Variants in FHIT observed in about 807,000 individuals in gnomAD.
The protein encoded by FHIT is fragile histidine triad diadenosine triphosphatase, also known as bis(5'-adenosyl)-triphosphatase.
A neutral mutation model predicts 17.9 loss-of-function variants in FHIT; 19 were observed. That is an observed-to-expected ratio of 1.06 (90% CI 0.74 to 1.56). The LOEUF is 1.56. FHIT is among the 40% of genes most tolerant of loss of function. The pLI, the probability that FHIT is intolerant of heterozygous loss-of-function variation, is 0.00. For missense variants in FHIT, 248 were observed against 189.2 expected (o/e 1.31, Z -1.82); for synonymous variants, 81 against 69.7 (o/e 1.16, Z -0.81).
intron 2 of FHIT, among the ~76,000 whole-genome samples, chr3:61,145,412 T>C (rs1045745468): frequency 2.2e-4 from 33 of 152,156 alleles, no homozygotes; most frequent in African/African-American, 8.0e-4. Flanking sequence ...CAGCCTTAAT[T>C]GCTATAGCTT....
intron 7 of FHIT, among the ~76,000 whole-genome samples, chr3:59,988,139 G>T (rs958181930): frequency 1.3e-5 from 2 of 152,064 alleles, no homozygotes; most frequent in African/African-American, 4.8e-5. Context: ...GGAAGCAACA[G>T]AGAATGAGAA....
chr3:60,509,910 C>A (rs985447093), intron 5 of FHIT, among the ~76,000 whole-genome samples: 1 of 152,102 alleles, frequency 6.6e-6, no homozygotes, highest in African/African-American at 2.4e-5. Flanking sequence ...GGTAAAGAAA[C>A]CTTGCTACCG....
chr3:60,572,998 A>G (rs555734513), intron 4 of FHIT, among the ~76,000 whole-genome samples: 10 of 152,128 alleles, frequency 6.6e-5, no homozygotes, highest in Admixed American at 3.3e-4. Context: ...TCACTTGATA[A>G]AACTGAGGCC....
rs71092627 is a variant in FHIT at position 60,668,554 on chromosome 3, C to CTT, written c.-17-131577_-17-131576dup. ...CCAGGCCTAGGGAGGCCAGCTCATT[C>CTT]TTTTTTTTTTTTTTTTTTTTTTTTT... On this transcript the variant is annotated intron_variant, in intron 4 of 9. Coordinates refer to ENST00000492590, the MANE Select transcript of FHIT (RefSeq NM_002012.4). Among the ~76,000 whole-genome samples the CTT allele has an allele frequency of 1.7e-3, 92 of 54,830 alleles. 3 individuals are homozygous for CTT. Among genetic ancestry groups the CTT allele is most frequent in the African/African-American group, 6.1e-3 (84 of 13,762 alleles). 36.0% of individuals were successfully genotyped at this position (54,830 alleles called of 152,430 possible).
chr3:61,003,341 G>T (rs1480393216), intron 3 of FHIT, among the ~76,000 whole-genome samples: 5 of 152,166 alleles, frequency 3.3e-5, no homozygotes, highest in African/African-American at 1.2e-4. Flanking sequence ...TAATTTAAAA[G>T]ATAACTGAAT....
At chr3:60,196,195 T>A (rs1031399166) in intron 5 of FHIT, among the ~76,000 whole-genome samples, 2 of 152,174 alleles carry the variant, frequency 1.3e-5, no homozygotes. Context: ...CTGAAATGGC[T>A]GTCACTGGGG....
At chr3:60,312,656 T>C (rs1708999107) in intron 5 of FHIT, among the ~76,000 whole-genome samples, 1 of 152,162 alleles carries the variant, frequency 6.6e-6, no homozygotes. Context: ...AGATCTAAGC[T>C]GCTCCTGCCA....
At chr3:60,111,014 G>C (rs559531033) in intron 5 of FHIT, among the ~76,000 whole-genome samples, 2 of 152,074 alleles carry the variant, frequency 1.3e-5, no homozygotes, top group Non-Finnish European at 2.9e-5. Context: ...ACGTGGGTCA[G>C]AAGTAACTCA....
At chr3:60,075,736 A>G (rs1366389936) in intron 5 of FHIT, among the ~76,000 whole-genome samples, 1 of 152,026 alleles carries the variant, frequency 6.6e-6, no homozygotes, top group Non-Finnish European at 1.5e-5. Flanking sequence ...TCTATAATAC[A>G]TGGCCATCAA....
chr3:61,248,167 T>G (rs1453502216), intron 1 of FHIT, among the ~76,000 whole-genome samples: 1 of 152,218 alleles, frequency 6.6e-6, no homozygotes, highest in Non-Finnish European at 1.5e-5. Flanking sequence ...ACTTCTGCAT[T>G]AAAAGAGTAA....
chr3:59,932,892 A>G (rs772045261), intron 7 of FHIT, among the ~76,000 whole-genome samples: 3 of 152,098 alleles, frequency 2.0e-5, no homozygotes, highest in Admixed American at 6.6e-5. Context: ...CCATTCTCCT[A>G]TCTCTAATTT....
intron 7 of FHIT, among the ~76,000 whole-genome samples, chr3:59,994,314 C>A (rs1699413812): frequency 6.6e-6 from 1 of 152,036 alleles, no homozygotes; most frequent in African/African-American, 2.4e-5. Context: ...AACCACCAAC[C>A]CGTTTAGGGA....
intron 5 of FHIT, among the ~76,000 whole-genome samples, chr3:60,247,324 G>C (rs967311145): frequency 9.9e-5 from 15 of 151,826 alleles, no homozygotes; most frequent in Non-Finnish European, 1.9e-4. Flanking sequence ...TGAAGTTTAA[G>C]GCCAGCCTGG....
At chr3:60,630,347 C>T (rs963181199) in intron 4 of FHIT, among the ~76,000 whole-genome samples, 2 of 152,300 alleles carry the variant, frequency 1.3e-5, no homozygotes, top group Admixed American at 6.5e-5. Flanking sequence ...TCAGCCTCTA[C>T]CCTATTCCCC....
intron 5 of FHIT, among the ~76,000 whole-genome samples, chr3:60,340,272 C>A (rs148637522): frequency 1.3e-5 from 2 of 152,178 alleles, no homozygotes; most frequent in Non-Finnish European, 2.9e-5. Context: ...GGTAAGGTCA[C>A]ATTTTTATAT....
intron 8 of FHIT, among the ~76,000 whole-genome samples, chr3:59,799,256 G>A (rs1699899813): frequency 6.6e-6 from 1 of 151,988 alleles, no homozygotes; most frequent in Non-Finnish European, 1.5e-5. Flanking sequence ...GGAAGTGGGA[G>A]GCACAGTAAA....
intron 5 of FHIT, among the ~76,000 whole-genome samples, chr3:60,454,366 C>A (rs916127722): frequency 1.3e-5 from 2 of 151,580 alleles, no homozygotes; most frequent in African/African-American, 4.9e-5. Flanking sequence ...CACCAAAAGT[C>A]ATTATTTTTT....
intron 7 of FHIT, among the ~76,000 whole-genome samples, chr3:60,003,716 G>A (rs1306258719): frequency 3.9e-5 from 6 of 152,142 alleles, no homozygotes; most frequent in African/African-American, 1.4e-4. Flanking sequence ...CTGCACTTCA[G>A]CCTGGGCAAC....
rs75379054 is a variant in FHIT at position 60,453,453 on chromosome 3, G to T, written c.103+83407C>A. 4.8e-3 allele frequency among the ~76,000 whole-genome samples: 728 copies of T among 152,298 alleles called. 7 individuals are homozygous for T. The highest frequency in any genetic ancestry group is 0.017 in the African/African-American group (697 of 41,560). On this transcript the variant is annotated intron_variant, in intron 5 of 9. Coordinates refer to ENST00000492590, the MANE Select transcript of FHIT (RefSeq NM_002012.4). Reference sequence around the variant, plus strand: ...TTCCAATGCTCCAATGCCTCCGCCAGGCCAGGCACCAGGCTAGGATGCAAC... The same window carrying T: ...TTCCAATGCTCCAATGCCTCCGCCATGCCAGGCACCAGGCTAGGATGCAAC...
Sources: gnomAD v4.1 joint callset for allele counts (sites outside exome capture counted in the v4.1 genomes callset) on GRCh38, gnomAD v4.1.1 for gene constraint, MANE v1.5 for transcripts, NCBI Gene and HGNC (gene_info 2026-07-23, HGNC 2026-07-21) for gene names.